PCDHGA8: variants seen among roughly 807,000 people sequenced by gnomAD.
The protein encoded by PCDHGA8 is protocadherin gamma subfamily A, 8.
In PCDHGA8, 45 loss-of-function variants were observed where a neutral mutation model predicts 59.2. That is an observed-to-expected ratio of 0.76 (90% CI 0.60 to 0.98). PCDHGA8 has a LOEUF of 0.98. Ranked by LOEUF, PCDHGA8 falls within the 50% of genes least tolerant of loss-of-function variation. The pLI is 0.00. For synonymous variants in PCDHGA8, 531 were observed against 519.0 expected, an observed-to-expected ratio of 1.02 and a Z score of -0.32; for missense variants, 1,257 against 1,196.2, an observed-to-expected ratio of 1.05 and a Z score of -0.75.
chr5:141,403,853 A>G (rs765359583), intron 1 of PCDHGA8: 3 of 1,613,726 alleles, frequency 1.9e-6, no homozygotes, highest in Non-Finnish European at 2.5e-6. Context: ...TACTGGGGAA[A>G]TATCAACAGC....
Position 141,511,464 on chromosome 5 carries a change from C to G in PCDHGA8, c.*291C>G. 1.9e-6 allele frequency: 1 copy of G among 538,254 alleles called. No individual in the cohort carries two copies. The highest frequency in any genetic ancestry group is 2.1e-5 in the South Asian group (1 of 47,028). The allele number at this position is 538,254 out of a possible 1,614,324, so 33.3% of individuals were successfully genotyped here. On this transcript the variant is annotated 3_prime_UTR_variant, in exon 4 of 4. Transcript: ENST00000398604. ...ACACCAAGAACCATTTGCCACACCC[C>G]GTTTAGTTACAGCTGAACTCCTCCA...
intron 1 of PCDHGA8, chr5:141,420,437 T>G (rs2096496377): frequency 4.5e-6 from 5 of 1,109,618 alleles, no homozygotes; most frequent in Admixed American, 3.7e-5. Context: ...TTAAATTAAA[T>G]GCCTCAGTCT....
chr5:141,415,905 C>T (rs1278855649), intron 1 of PCDHGA8: 5 of 801,160 alleles, frequency 6.2e-6, no homozygotes, highest in Non-Finnish European at 8.6e-6. Context: ...GACAGACTTC[C>T]ATACAGAAGT....
At chr5:141,509,069 G>T (rs1463164307) in intron 3 of PCDHGA8, among the ~76,000 whole-genome samples, 1 of 152,174 alleles carries the variant, frequency 6.6e-6, no homozygotes, top group Non-Finnish European at 1.5e-5. Flanking sequence ...CTCAGCTCCG[G>T]GGATTTGCGA....
chr5:141,460,961 ATG>A (rs35821115), intron 1 of PCDHGA8, among the ~76,000 whole-genome samples: 22,194 of 144,260 alleles, frequency 0.15, 1,877 homozygotes, highest in South Asian at 0.27. Context: ...GTATATATAT[ATG>A]TGTGTGTGTG....
At chr5:141,457,098 T>G (rs1179930043) in intron 1 of PCDHGA8, among the ~76,000 whole-genome samples, 1 of 152,242 alleles carries the variant, frequency 6.6e-6, no homozygotes, top group Non-Finnish European at 1.5e-5. Flanking sequence ...AGGATACTAA[T>G]TAAGCAAAAT....
In PCDHGA8 at chr5:141,413,117, C is replaced by G. The variant is rs902301902; in HGVS notation, c.2424+17880C>G. 1.9e-5 allele frequency: 29 copies of G among 1,509,004 alleles called. No homozygotes were observed. In the African/African-American group the frequency reaches 4.1e-4, roughly 21 times the overall value. The allele number at this position is 1,509,004 out of a possible 1,614,324, so 93.5% of individuals were successfully genotyped here. ...TGAAGCCACAGAAAGACAAAGGAAC[C>G]GGTTGAAACACACAACGTGTCCAGT... On this transcript the variant is annotated intron_variant, in intron 1 of 3. Transcript: ENST00000398604.
intron 1 of PCDHGA8, chr5:141,399,725 A>G (rs2093873556): frequency 6.2e-7 from 1 of 1,613,192 alleles, no homozygotes; most frequent in Admixed American, 1.7e-5. Flanking sequence ...GCCCGCGACC[A>G]GGGCTCGCCT....
At chr5:141,433,220 T>C (rs781745522) in intron 1 of PCDHGA8, 1 of 1,509,734 alleles carries the variant, frequency 6.6e-7, no homozygotes, top group South Asian at 1.2e-5. Flanking sequence ...TTTTTTTTTT[T>C]AATTGCTCTG....
intron 1 of PCDHGA8, among the ~76,000 whole-genome samples, chr5:141,461,536 T>C (rs1424913303): frequency 1.3e-5 from 2 of 152,240 alleles, no homozygotes; most frequent in Non-Finnish European, 2.9e-5. Context: ...TTCTGGATAC[T>C]AGTCCTTTGT....
At chr5:141,404,015 C>T in intron 1 of PCDHGA8, 1 of 1,613,622 alleles carries the variant, frequency 6.2e-7, no homozygotes. Context: ...TCTGTTTAGC[C>T]CAGTGAGAGA....
At position 141,394,820 on chromosome 5, in the gene PCDHGA8, C is replaced by T. The variant is rs1480144579; in HGVS notation, c.2007C>T (p.Pro669=). The part of the protein sequence containing the change: ...TLTVAVADSI[P]EVLTELGSLK... ...CCGTAGCCGTGGCTGACAGCATCCC[C>T]GAAGTCCTGACCGAGTTGGGCAGTC... Residue 669 remains proline, a synonymous_variant, in exon 1 of 4, where the codon CCC becomes CCT. Transcript: ENST00000398604. The T allele has an allele frequency of 5.6e-6, 9 of 1,613,748 alleles. No individual in the cohort carries two copies. The highest frequency in any genetic ancestry group is 1.3e-5 in the African/African-American group (1 of 74,934).
intron 1 of PCDHGA8, among the ~76,000 whole-genome samples, chr5:141,471,999 T>C (rs577046645): frequency 3.9e-5 from 6 of 152,230 alleles, no homozygotes; most frequent in Admixed American, 2.0e-4. Flanking sequence ...AATCCCTGCA[T>C]CGTATAGGGG....
At chr5:141,437,011 T>C (rs2097858173) in intron 1 of PCDHGA8, among the ~76,000 whole-genome samples, 1 of 152,236 alleles carries the variant, frequency 6.6e-6, no homozygotes, top group Non-Finnish European at 1.5e-5. Flanking sequence ...GGATCTTAGA[T>C]AATTTCACCA....
In PCDHGA8 at chr5:141,394,981, G is replaced by T; in HGVS notation, c.2168G>T (p.Arg723Leu). ...GLRLRRWHKSRLLQDSGGRLV... is the reference protein window; with the variant it reads ...GLRLRRWHKSLLLQDSGGRLV... ...AGGCTGAGGCGCTGGCACAAGTCAC[G>T]CCTGCTCCAGGATTCCGGTGGCAGA... The change falls in exon 1 of 4, where the codon CGC becomes CTC. Residue 723 changes from arginine (R) to leucine (L), a missense_variant. Coordinates refer to ENST00000398604, the MANE Select transcript of PCDHGA8 (RefSeq NM_032088.2). The T allele has an allele frequency of 6.2e-7, 1 of 1,613,964 alleles. No homozygotes were observed. The highest frequency in any genetic ancestry group is 8.5e-7 in the Non-Finnish European group (1 of 1,179,884).
At chr5:141,400,511 C>G (rs1456963604) in intron 1 of PCDHGA8, 1 of 1,613,824 alleles carries the variant, frequency 6.2e-7, no homozygotes, top group African/African-American at 1.3e-5. Context: ...GAGTCGACTT[C>G]CCATCCTGAG....
intron 1 of PCDHGA8, chr5:141,426,692 C>T: frequency 2.3e-6 from 1 of 435,472 alleles, no homozygotes; most frequent in Non-Finnish European, 4.7e-6. Flanking sequence ...CCCAAAATAG[C>T]ATTGTTTTAC....
Position 141,485,373 on chromosome 5 carries a change from C to T in PCDHGA8, c.2425-9434C>T. 2 of 1,614,136 alleles carry T rather than the reference C, an allele frequency of 1.2e-6. No homozygotes were observed. Among genetic ancestry groups the T allele is most frequent in the East Asian group, 2.2e-5 (1 of 44,868 alleles). On this transcript the variant is annotated intron_variant, in intron 1 of 3. Transcript: ENST00000398604. This position sits in a 1 kb window ranked among gnomAD's most constrained non-coding sequence, Gnocchi z 5.7. ...CTGTCAGCTCGCAGGCTGCAGGTCG[C>T]TGGAGAGGTGAACCAAAGACACTTC... is the stretch of plus-strand genomic sequence containing the variant.
At position 141,419,408 on chromosome 5, in the gene PCDHGA8, C is replaced by T. The variant is rs534591654; in HGVS notation, c.2424+24171C>T. On this transcript the variant is annotated intron_variant, in intron 1 of 3. Coordinates refer to ENST00000398604, the MANE Select transcript of PCDHGA8 (RefSeq NM_032088.2). ...CGCGCAGAGCGGGGTGGTGTTCGCG[C>T]AGCGCGCCTTCGACCACGAGCAGCT... 6.2e-6 allele frequency: 10 copies of T among 1,613,508 alleles called. No individual in the cohort carries two copies. The African/African-American group carries it at 1.3e-4, about 21-fold the overall frequency.
Sources: allele counts gnomAD v4.1 joint callset (sites outside exome capture counted in the v4.1 genomes callset), GRCh38; gene constraint gnomAD v4.1.1; non-coding constraint Gnocchi (gnomAD v3.1); transcripts MANE v1.5; gene names NCBI Gene and HGNC (gene_info 2026-07-23, HGNC 2026-07-21).